The following MAPK6 variants were observed in gnomAD, a reference collection of about 807,000 sequenced individuals.
MAPK6 encodes the protein mitogen-activated protein kinase 6.
In MAPK6, 19 loss-of-function variants were observed where a neutral mutation model predicts 59.3. That is an observed-to-expected ratio of 0.32 (90% CI 0.22 to 0.47). The LOEUF (loss-of-function observed/expected upper bound fraction) is 0.47, where lower values mean the gene tolerates loss of function less well. Ranked by LOEUF, MAPK6 falls within the 20% of genes least tolerant of loss-of-function variation. The pLI, the probability that MAPK6 is intolerant of heterozygous loss-of-function variation, is 1.00. For missense variants in MAPK6, 724 were observed against 847.9 expected (o/e 0.85, Z 1.81); for synonymous variants, 316 against 290.3 (o/e 1.09, Z -0.90).
Position 52,050,060 on chromosome 15 carries a change from A to G in MAPK6, c.623A>G (p.Asn208Ser), listed in dbSNP as rs778827251. Residue 208 changes from asparagine to serine, a missense_variant, in exon 3 of 6, where the codon AAT becomes AGT. By Grantham distance (46) the Asn-to-Ser change is conservative. Coordinates refer to ENST00000261845, the MANE Select transcript of MAPK6 (RefSeq NM_002748.4). ...CCACGTCTTTTACTTTCTCCTAATA[A>G]TTATACTAAAGCCATTGACATGTGG... ...RSPRLLLSPN[N>S]YTKAIDMWAA... 2 of 1,613,048 alleles carry G rather than the reference A, an allele frequency of 1.2e-6. No individual in the cohort carries two copies. The highest frequency in any genetic ancestry group is 8.5e-7 in the Non-Finnish European group (1 of 1,179,510).
chr15:52,016,385 A>G (rs1408584336), upstream of MAPK6, among the ~76,000 whole-genome samples: 4 of 151,776 alleles, frequency 2.6e-5, no homozygotes, highest in African/African-American at 9.7e-5. Flanking sequence ...GCAAAACTCC[A>G]TCTCAAAAAA....
At chr15:52,028,146 G>C (rs1408597045) in intron 1 of MAPK6, among the ~76,000 whole-genome samples, 1 of 151,856 alleles carries the variant, frequency 6.6e-6, no homozygotes, top group Non-Finnish European at 1.5e-5. Context: ...TAGAGACAGG[G>C]TTTCACCGTG....
At chr15:52,060,771 T>G (rs1197820312) in intron 4 of MAPK6, among the ~76,000 whole-genome samples, 1 of 152,216 alleles carries the variant, frequency 6.6e-6, no homozygotes, top group Non-Finnish European at 1.5e-5. Flanking sequence ...ATCAAGAAAT[T>G]AGTACAACAG....
At chr15:52,013,672 G>T (rs763962536) in intron 3 of MAPK6, among the ~76,000 whole-genome samples, 1 of 152,120 alleles carries the variant, frequency 6.6e-6, no homozygotes, top group Non-Finnish European at 1.5e-5. Flanking sequence ...ATGAGATACA[G>T]TTTGGTTTGG....
rs1341755993 is a variant in MAPK6 at position 51,997,828 on chromosome 15, G to T, written c.-769-6437G>T. Among the ~76,000 whole-genome samples the T allele has an allele frequency of 2.0e-5, 3 of 151,978 alleles. No homozygotes were observed. The East Asian group carries it at 5.8e-4, about 29-fold the overall frequency. On this transcript the variant is annotated intron_variant, in intron 2 of 7. Coordinates refer to the MAPK6 transcript ENST00000691380. ...GCTGGTCTCAAACTCCTGACCTCTG[G>T]CGATCCACCCACGTCAGCCTCCCAA...
At chr15:52,020,867 G>A (rs1291876951) in intron 1 of MAPK6, among the ~76,000 whole-genome samples, 2 of 152,190 alleles carry the variant, frequency 1.3e-5, no homozygotes, top group African/African-American at 2.4e-5. Flanking sequence ...CCTTAAGCTT[G>A]TAAAATTATT....
At chr15:52,052,467 G>A (rs916558909) in intron 3 of MAPK6, among the ~76,000 whole-genome samples, 1 of 152,092 alleles carries the variant, frequency 6.6e-6, no homozygotes, top group Non-Finnish European at 1.5e-5. Flanking sequence ...ATATTTTTTA[G>A]TATATTTACA....
rs775968493 is a variant in MAPK6, at chr15:51,987,762, C to CTTT, written c.-770+4465_-770+4467dup. 4.2e-4 allele frequency among the ~76,000 whole-genome samples: 53 copies of CTTT among 125,462 alleles called. 4 individuals are homozygous for CTTT. The highest frequency in any genetic ancestry group is 1.6e-3 in the African/African-American group (48 of 29,290). 82.3% of individuals were successfully genotyped at this position (125,462 alleles called of 152,430 possible). A position where few individuals can be genotyped will look rare whatever the true frequency, so the allele number is the denominator to read the frequency against. On this transcript the variant is annotated intron_variant, in intron 2 of 7. Transcript: ENST00000691380. The stretch of plus-strand genomic sequence containing the variant: ...TTTGATCACACAATGGCTCATAGTA[C>CTTT]TTTTTTTTTTTTTTTTTTTTGAGAT...
At chr15:52,041,265 C>G (rs1402882221) in intron 1 of MAPK6, among the ~76,000 whole-genome samples, 1 of 152,142 alleles carries the variant, frequency 6.6e-6, no homozygotes, top group African/African-American at 2.4e-5. Context: ...GGCGCGATCT[C>G]GGCTCACAGC....
chr15:52,039,509 C>CTTTTTTTTTTTTTTTTTTTTT (rs11341546), intron 1 of MAPK6, among the ~76,000 whole-genome samples: 1 of 85,880 alleles, frequency 1.2e-5, no homozygotes. Context: ...AGTGTTTTGT[C>CTTTTTTTTTTTTTTTTTTTTT]TTTTTTTTTT....
chr15:51,994,884 A>T (rs923122680), intron 2 of MAPK6, among the ~76,000 whole-genome samples: 1 of 152,252 alleles, frequency 6.6e-6, no homozygotes, highest in Non-Finnish European at 1.5e-5. Flanking sequence ...AAAGTCATAG[A>T]AGTAAAAGAG....
intron 3 of MAPK6, chr15:52,056,647 A>C (rs1437813891): frequency 1.3e-5 from 2 of 151,530 alleles, no homozygotes; most frequent in South Asian, 2.1e-4. Context: ...GTGCTTTTTC[A>C]CCTGTCTTTG....
intron 1 of MAPK6, among the ~76,000 whole-genome samples, chr15:51,976,654 C>A (rs1270523139): frequency 6.6e-6 from 1 of 151,588 alleles, no homozygotes; most frequent in Non-Finnish European, 1.5e-5. Flanking sequence ...TCTTTAAAAT[C>A]CTGAAGGAGG....
intron 3 of MAPK6, among the ~76,000 whole-genome samples, chr15:52,058,427 A>G (rs536631361): frequency 6.6e-6 from 1 of 152,330 alleles, no homozygotes; most frequent in East Asian, 1.9e-4. Context: ...CTATGGAAAC[A>G]AAGCAGCAAA....
chr15:52,039,459 GC>G (rs1463198939), intron 1 of MAPK6, among the ~76,000 whole-genome samples: 1 of 151,454 alleles, frequency 6.6e-6, no homozygotes, highest in Non-Finnish European at 1.5e-5. Flanking sequence ...GTAGGCAAGG[GC>G]TTAAACAATT....
At chr15:52,032,932 G>A (rs1226817257) in intron 1 of MAPK6, among the ~76,000 whole-genome samples, 1 of 151,920 alleles carries the variant, frequency 6.6e-6, no homozygotes, top group Non-Finnish European at 1.5e-5. Flanking sequence ...TGATCTGCCC[G>A]CTTCAGCCTC....
rs900543751 is a variant in MAPK6 at position 52,061,864 on chromosome 15, T to C, written c.1067+364T>C. Among the ~76,000 whole-genome samples, 6 of 152,120 alleles carry C rather than the reference T, an allele frequency of 3.9e-5. No individual in the cohort carries two copies. The East Asian group carries it at 5.8e-4, about 15-fold the overall frequency. On this transcript the variant is annotated intron_variant, in intron 5 of 5. Transcript: ENST00000261845. ...TAAAGTAATTACTGGTTAGATGATA[T>C]ATGGGAAAAGTTAAATGCTACTTTG...
At chr15:52,036,623 C>A (rs889197946) in intron 1 of MAPK6, among the ~76,000 whole-genome samples, 6 of 152,204 alleles carry the variant, frequency 3.9e-5, no homozygotes, top group African/African-American at 1.4e-4. Context: ...GATTAAGCTT[C>A]CAACCCATGA....
At chr15:51,979,614 G>A (rs899211630) in intron 1 of MAPK6, among the ~76,000 whole-genome samples, 14 of 151,592 alleles carry the variant, frequency 9.2e-5, no homozygotes, top group African/African-American at 2.2e-4. Context: ...GAAATAAGGC[G>A]AAACCCCATC....
Sources: gnomAD v4.1 joint callset for allele counts (sites outside exome capture counted in the v4.1 genomes callset) on GRCh38, gnomAD v4.1.1 for gene constraint, MANE v1.5 for transcripts, NCBI Gene and HGNC (gene_info 2026-07-23, HGNC 2026-07-21) for gene names.